RRP15: variants seen among roughly 807,000 people sequenced by gnomAD.
RRP15 encodes the protein ribosomal RNA processing 15 homolog, also known as RRP15-like protein.
In RRP15, 18 loss-of-function variants were observed where a neutral mutation model predicts 27.1. The ratio of observed to expected loss-of-function variants is 0.66; its 90% CI spans 0.46 to 0.98. The LOEUF (loss-of-function observed/expected upper bound fraction) is 0.98. Among genes scored for constraint, RRP15 ranks in the 50% least tolerant of loss-of-function variants. The probability of loss-of-function intolerance (pLI) is 0.00; values close to 1 mark genes in which losing one functional copy is unlikely to be tolerated. For synonymous variants in RRP15, 107 were observed against 109.4 expected, an observed-to-expected ratio of 0.98 and a Z score of 0.14; for missense variants, 359 against 337.8, an observed-to-expected ratio of 1.06 and a Z score of -0.49.
In RRP15 at chr1:218,334,877, C is replaced by T. The variant is rs1656426135; in HGVS notation, c.*3786C>T. Reference sequence around the variant, plus strand: ...AAACAGGAGTCTGAATTTTGGCCAGCTGGGTATTTGAATCTTACTGACTGT... The same window carrying T: ...AAACAGGAGTCTGAATTTTGGCCAGTTGGGTATTTGAATCTTACTGACTGT... On this transcript the variant is annotated 3_prime_UTR_variant, in exon 5 of 5. Transcript: ENST00000366932. The T allele has an allele frequency of 6.6e-6, 1 of 152,156 alleles. No individual in the cohort carries two copies. The highest frequency in any genetic ancestry group is 6.5e-5 in the Admixed American group (1 of 15,278). The allele number at this position is 152,156 out of a possible 1,614,324, so 9.4% of individuals were successfully genotyped here.
chr1:218,287,616 C>G (rs1655570866), intron 1 of RRP15, among the ~76,000 whole-genome samples: 1 of 152,118 alleles, frequency 6.6e-6, no homozygotes, highest in East Asian at 1.9e-4. Flanking sequence ...AGGTAGTTTT[C>G]AAGATCATGG....
At position 218,332,419 on chromosome 1, in the gene RRP15, ATTATTT is replaced by A. The variant is rs1339966540; in HGVS notation, c.*1332_*1337del. The A allele has an allele frequency of 1.3e-5, 2 of 152,190 alleles. No homozygotes were observed. 9.4% of individuals were successfully genotyped at this position (152,190 alleles called of 1,614,324 possible). Reference sequence around the variant, plus strand: ...CCCAAGATCTAAAGTTTTTAAGGGAATTATTTTTAATAAATATGATCTGTCCCTTTT... The same window carrying A: ...CCCAAGATCTAAAGTTTTTAAGGGAATTAATAAATATGATCTGTCCCTTTT... On this transcript the variant is annotated 3_prime_UTR_variant, in exon 5 of 5. Transcript: ENST00000366932.
chr1:218,325,703 C>T (rs928302097), intron 4 of RRP15, among the ~76,000 whole-genome samples: 4 of 152,108 alleles, frequency 2.6e-5, no homozygotes, highest in Admixed American at 6.5e-5. Flanking sequence ...GTCCTGGACA[C>T]TCGAGGGCTG....
At chr1:218,315,220 A>G (rs1169325320) in intron 4 of RRP15, among the ~76,000 whole-genome samples, 1 of 152,058 alleles carries the variant, frequency 6.6e-6, no homozygotes, top group Non-Finnish European at 1.5e-5. Context: ...TCATAGGTAA[A>G]TAATTAGTGG....
chr1:218,289,742 G>A (rs571678097), intron 1 of RRP15, among the ~76,000 whole-genome samples: 4 of 152,120 alleles, frequency 2.6e-5, no homozygotes, highest in African/African-American at 7.2e-5. Context: ...GAGTGCAATG[G>A]TATGATCTCA....
intron 4 of RRP15, among the ~76,000 whole-genome samples, chr1:218,308,451 C>T (rs1406982949): frequency 1.3e-5 from 2 of 151,782 alleles, no homozygotes; most frequent in South Asian, 2.1e-4. Flanking sequence ...CTATTGTTGT[C>T]GTTTTAAAAA....
intron 1 of RRP15, among the ~76,000 whole-genome samples, chr1:218,296,032 T>G (rs1205997336): frequency 6.6e-6 from 1 of 152,176 alleles, no homozygotes; most frequent in East Asian, 1.9e-4. Context: ...AGCAGTAGTT[T>G]TAGAGAGCCT....
rs959817004 is a variant in RRP15 at position 218,337,949 on chromosome 1, C to T, written c.*6858C>T. 1 of 151,976 alleles carries T rather than the reference C, an allele frequency of 6.6e-6. No individual in the cohort carries two copies. The highest frequency in any genetic ancestry group is 6.6e-5 in the Admixed American group (1 of 15,244). The allele number at this position is 151,976 out of a possible 1,614,324, so 9.4% of individuals were successfully genotyped here. On this transcript the variant is annotated 3_prime_UTR_variant, in exon 5 of 5. Transcript: ENST00000366932. ...CCATGTGTCCACTGTTTCCTTGTGCCTTTTGATTAATAAAACTTTATTTTT... is the reference window on the plus strand; with the variant it reads ...CCATGTGTCCACTGTTTCCTTGTGCTTTTTGATTAATAAAACTTTATTTTT...
Position 218,331,208 on chromosome 1 carries a change from A to C in RRP15, c.*117A>C, listed in dbSNP as rs1414158599. ...GTAAGAAAGCCAAAAGACTTTTGCC[A>C]GATTTCATATTTCCCCTTTTCATGT... On this transcript the variant is annotated 3_prime_UTR_variant, in exon 5 of 5. Coordinates refer to ENST00000366932, the MANE Select transcript of RRP15 (RefSeq NM_016052.4). The C allele has an allele frequency of 1.1e-6, 1 of 890,762 alleles. No individual in the cohort carries two copies. The highest frequency in any genetic ancestry group is 1.7e-5 in the African/African-American group (1 of 59,012). The allele number at this position is 890,762 out of a possible 1,614,324, so 55.2% of individuals were successfully genotyped here.
chr1:218,329,503 T>C (rs1236931226), intron 4 of RRP15, among the ~76,000 whole-genome samples: 1 of 152,162 alleles, frequency 6.6e-6, no homozygotes, highest in Non-Finnish European at 1.5e-5. Context: ...TAGAAATAAA[T>C]GAAAAGTTGT....
chr1:218,305,771 A>G (rs910353381), intron 3 of RRP15, among the ~76,000 whole-genome samples: 4 of 152,014 alleles, frequency 2.6e-5, no homozygotes, highest in Non-Finnish European at 5.9e-5. Context: ...TTACTTTTAA[A>G]TTCTTGTTAC....
At chr1:218,297,003 A>G (rs1021835345) in intron 1 of RRP15, among the ~76,000 whole-genome samples, 3 of 152,146 alleles carry the variant, frequency 2.0e-5, no homozygotes, top group Non-Finnish European at 2.9e-5. Context: ...ATTATCATTT[A>G]TTTAGTGCCT....
In RRP15 at chr1:218,305,011, C is replaced by A; in HGVS notation, c.406-17C>A. ...AAATATCTAATATTCTTTCACATAA[C>A]AATATTTATAACGCAGCGTGATAAG... On this transcript the variant is annotated splice_polypyrimidine_tract_variant and intron_variant, in intron 2 of 4. Transcript: ENST00000366932. 2 of 1,595,086 alleles carry A rather than the reference C, an allele frequency of 1.3e-6. No homozygotes were observed. Among genetic ancestry groups the A allele is most frequent in the East Asian group, 2.2e-5 (1 of 44,742 alleles).
At chr1:218,325,795 T>C (rs1165753709) in intron 4 of RRP15, among the ~76,000 whole-genome samples, 4 of 152,160 alleles carry the variant, frequency 2.6e-5, no homozygotes, top group Non-Finnish European at 5.9e-5. Context: ...ATTTTTTCTC[T>C]GTCTGTAGAA....
chr1:218,291,572 G>T (rs1428182134), intron 1 of RRP15, among the ~76,000 whole-genome samples: 2 of 102,396 alleles, frequency 2.0e-5, no homozygotes, highest in East Asian at 2.9e-4. Flanking sequence ...TCGTTCTGTT[G>T]CCAGGCTGGA....
At chr1:218,299,436 A>C (rs1380398226) in intron 1 of RRP15, among the ~76,000 whole-genome samples, 1 of 152,126 alleles carries the variant, frequency 6.6e-6, no homozygotes, top group Admixed American at 6.6e-5. Flanking sequence ...AAATGCACCA[A>C]AGAAAAATAG....
chr1:218,323,988 C>T (rs1656230776), intron 4 of RRP15, among the ~76,000 whole-genome samples: 1 of 152,166 alleles, frequency 6.6e-6, no homozygotes, highest in African/African-American at 2.4e-5. Flanking sequence ...GGTCTGCAGC[C>T]GGGACTTGGG....
chr1:218,286,151 A>G (rs1234257165), intron 1 of RRP15, among the ~76,000 whole-genome samples: 1 of 152,202 alleles, frequency 6.6e-6, no homozygotes, highest in African/African-American at 2.4e-5. Flanking sequence ...GATACCCAAA[A>G]AACAGACAGA....
chr1:218,309,346 A>G (rs1028061671), intron 4 of RRP15, among the ~76,000 whole-genome samples: 1 of 152,204 alleles, frequency 6.6e-6, no homozygotes, highest in Non-Finnish European at 1.5e-5. Flanking sequence ...CTGAATAACT[A>G]TGAAAGTACT....
Sources: allele counts gnomAD v4.1 joint callset (sites outside exome capture counted in the v4.1 genomes callset), GRCh38; gene constraint gnomAD v4.1.1; transcripts MANE v1.5; gene names NCBI Gene and HGNC (gene_info 2026-07-23, HGNC 2026-07-21).